Variants in SPATA18 observed in about 807,000 individuals in gnomAD.
SPATA18 encodes spermatogenesis associated 18.
In SPATA18, 54 loss-of-function variants were observed where a neutral mutation model predicts 68.1. The observed-to-expected ratio is 0.79, with a 90% confidence interval of 0.64 to 0.99. The LOEUF is 0.99. SPATA18 is among the 50% of genes least tolerant of loss of function. The pLI is 0.00. For synonymous variants in SPATA18, 242 were observed against 244.8 expected, an observed-to-expected ratio of 0.99 and a Z score of 0.11; for missense variants, 724 against 681.1, an observed-to-expected ratio of 1.06 and a Z score of -0.70.
chr4:52,089,313 A>T (rs1034717041), intron 11 of SPATA18, among the ~76,000 whole-genome samples: 29 of 151,898 alleles, frequency 1.9e-4, no homozygotes, highest in Non-Finnish European at 4.1e-4. Flanking sequence ...TAGTTATTTC[A>T]TGCCTTCTGC....
chr4:52,073,728 G>C (rs1370304789), intron 6 of SPATA18, among the ~76,000 whole-genome samples: 1 of 152,224 alleles, frequency 6.6e-6, no homozygotes, highest in East Asian at 1.9e-4. Flanking sequence ...CTATGATTGA[G>C]CCAAGGGATT....
rs755339507 is a variant in SPATA18, at chr4:52,070,536, G to GC, written c.518+620_518+621insC. On this transcript the variant is annotated intron_variant, in intron 5 of 12. Coordinates refer to ENST00000295213, the MANE Select transcript of SPATA18 (RefSeq NM_145263.4). ...ACATCACACTCTGGGGACTGTTGTG[G>GC]GGTAGGGGGAGGGGGGAGGGATAGC... 2.1e-3 allele frequency among the ~76,000 whole-genome samples: 319 copies of GC among 150,542 alleles called. 3 individuals carry two copies. Among genetic ancestry groups the GC allele is most frequent in the South Asian group, 0.014 (68 of 4,690 alleles).
intron 9 of SPATA18, among the ~76,000 whole-genome samples, chr4:52,081,912 G>T: frequency 7.6e-5 from 1 of 13,196 alleles, no homozygotes. Context: ...ACTTATCATG[G>T]GATTGAGAGA....
chr4:52,055,640 G>C (rs1738272383), intron 1 of SPATA18, among the ~76,000 whole-genome samples: 1 of 151,922 alleles, frequency 6.6e-6, no homozygotes, highest in South Asian at 2.1e-4. Flanking sequence ...AATCTTCATT[G>C]CATATAGGAA....
Position 52,084,535 on chromosome 4 carries a change from T to A in SPATA18, c.1480-381T>A, listed in dbSNP as rs1490342229. 3.3e-5 allele frequency among the ~76,000 whole-genome samples: 5 copies of A among 152,194 alleles called. No homozygotes were observed. In the South Asian group the frequency reaches 6.2e-4, roughly 19 times the overall value. ...CAATAGTTATTTATGACCCAAACAC[T>A]GTATTTATGTGCTAGAGATTTAGCA... On this transcript the variant is annotated intron_variant, in intron 10 of 12. Coordinates refer to ENST00000295213, the MANE Select transcript of SPATA18 (RefSeq NM_145263.4).
chr4:52,082,686 A>C, intron 10 of SPATA18, 176 bp downstream of exon 10: 1 of 1,453,586 alleles, frequency 6.9e-7, no homozygotes, highest in Non-Finnish European at 9.0e-7. Context: ...TGATTCTTCC[A>C]TAATTCTGCA....
At chr4:52,094,435 G>T in intron 11 of SPATA18, 92 bp from the exon 12 acceptor site, 3 of 1,198,250 alleles carry the variant, frequency 2.5e-6, no homozygotes, top group South Asian at 1.3e-5. Flanking sequence ...AAAGCTATTT[G>T]GTTGGTTTTA....
intron 11 of SPATA18, among the ~76,000 whole-genome samples, chr4:52,089,413 T>C (rs1157672584): frequency 6.6e-6 from 1 of 152,264 alleles, no homozygotes; most frequent in Non-Finnish European, 1.5e-5. Flanking sequence ...CTTTGTCTTA[T>C]GGGTATTTAA....
At chr4:52,066,317 A>G (rs1378482902) in intron 4 of SPATA18, among the ~76,000 whole-genome samples, 7 of 151,642 alleles carry the variant, frequency 4.6e-5, no homozygotes, top group African/African-American at 1.7e-4. Flanking sequence ...TGCCTGGCTA[A>G]TTTTTTGTAT....
chr4:52,083,088 G>A lies in SPATA18; in HGVS notation c.1479+578G>A, dbSNP rs1163147211. The A allele has an allele frequency of 1.0e-5, 9 of 861,302 alleles. No individual in the cohort carries two copies. The South Asian group carries it at 3.6e-4, about 35-fold the overall frequency. 53.4% of individuals were successfully genotyped at this position (861,302 alleles called of 1,614,324 possible). ...CTACAGAATGTTAAATACTTGAACAGCCTTTAAAAAAAAGGAGTCTTAGGT... is the reference window on the plus strand; with the variant it reads ...CTACAGAATGTTAAATACTTGAACAACCTTTAAAAAAAAGGAGTCTTAGGT... On this transcript the variant is annotated intron_variant, in intron 10 of 12. Coordinates refer to ENST00000295213, the MANE Select transcript of SPATA18 (RefSeq NM_145263.4).
At chr4:52,052,220 C>T (rs932974752) in intron 1 of SPATA18, among the ~76,000 whole-genome samples, 2 of 152,198 alleles carry the variant, frequency 1.3e-5, no homozygotes, top group African/African-American at 4.8e-5. Context: ...CCCTCTCCTG[C>T]CCAGGGTTTG....
At chr4:52,070,829 G>T (rs1395490833) in intron 5 of SPATA18, among the ~76,000 whole-genome samples, 2 of 151,626 alleles carry the variant, frequency 1.3e-5, no homozygotes, top group Admixed American at 6.6e-5. Context: ...AAAAAATAAG[G>T]TTATACCTTC....
chr4:52,056,854 C>T (rs1314238402), intron 1 of SPATA18, among the ~76,000 whole-genome samples: 2 of 152,294 alleles, frequency 1.3e-5, no homozygotes, highest in East Asian at 1.9e-4. Context: ...GAGCATGTCA[C>T]ACCCACCTTC....
intron 6 of SPATA18, among the ~76,000 whole-genome samples, chr4:52,073,101 C>T (rs1260671673): frequency 2.0e-5 from 3 of 152,172 alleles, no homozygotes; most frequent in Non-Finnish European, 2.9e-5. Flanking sequence ...AATGTCACCA[C>T]AGTCTTTAAT....
chr4:52,084,722 G>C (rs890928313), intron 10 of SPATA18, among the ~76,000 whole-genome samples, 194 bp from the exon 11 acceptor site: 2 of 152,144 alleles, frequency 1.3e-5, no homozygotes, highest in African/African-American at 2.4e-5. Context: ...TATTTAAAAA[G>C]TACCTGAAGT....
intron 1 of SPATA18, 42 bp downstream of exon 1, chr4:52,051,833 G>T: frequency 6.4e-7 from 1 of 1,563,462 alleles, no homozygotes; most frequent in African/African-American, 1.5e-5. Context: ...CCCTCCCATA[G>T]GTTCCAGCAC....
chr4:52,084,699 T>C (rs1741263846), intron 10 of SPATA18, among the ~76,000 whole-genome samples: 1 of 152,198 alleles, frequency 6.6e-6, no homozygotes, highest in Admixed American at 6.5e-5. Context: ...CAAGGTTCAT[T>C]GTAATGGGAT....
chr4:52,084,060 A>G (rs992070895), intron 10 of SPATA18, among the ~76,000 whole-genome samples: 1 of 152,010 alleles, frequency 6.6e-6, no homozygotes, highest in Non-Finnish European at 1.5e-5. Context: ...CAAAAAAAAA[A>G]AAAAAGATAT....
At chr4:52,084,525 A>T (rs1235060072) in intron 10 of SPATA18, among the ~76,000 whole-genome samples, 1 of 152,156 alleles carries the variant, frequency 6.6e-6, no homozygotes, top group Non-Finnish European at 1.5e-5. Flanking sequence ...GTTATTTATG[A>T]CCCAAACACT....
Sources: allele counts gnomAD v4.1 joint callset (sites outside exome capture counted in the v4.1 genomes callset), GRCh38; gene constraint gnomAD v4.1.1; transcripts MANE v1.5; gene names NCBI Gene and HGNC (gene_info 2026-07-23, HGNC 2026-07-21).